PDE7B: variants seen among roughly 807,000 people sequenced by gnomAD.
PDE7B encodes 3',5'-cyclic-AMP phosphodiesterase 7B.
A neutral mutation model predicts 56.2 loss-of-function variants in PDE7B; 29 were observed. That is an observed-to-expected ratio of 0.52 (90% CI 0.38 to 0.70). PDE7B has a LOEUF of 0.70. Ranked by LOEUF, PDE7B falls within the 30% of genes least tolerant of loss-of-function variation. PDE7B has a pLI of 0.00. For missense variants in PDE7B, 490 were observed against 565.0 expected (o/e 0.87, Z 1.35); for synonymous variants, 197 against 196.9 (o/e 1.00, Z 0.00).
At chr6:135,853,469 CTTT>C (rs1562410273) in intron 1 of PDE7B, among the ~76,000 whole-genome samples, 3 of 152,172 alleles carry the variant, frequency 2.0e-5, no homozygotes, top group Non-Finnish European at 4.4e-5. Context: ...TCTGCTTTAT[CTTT>C]TATTACTGGC....
intron 1 of PDE7B, among the ~76,000 whole-genome samples, chr6:135,926,638 A>G: frequency 6.6e-6 from 1 of 152,084 alleles, no homozygotes; most frequent in East Asian, 1.9e-4. Context: ...CCTAGGTTTT[A>G]TGACCTCCTT....
chr6:135,995,835 A>G (rs1775555332), intron 2 of PDE7B, among the ~76,000 whole-genome samples: 1 of 152,214 alleles, frequency 6.6e-6, no homozygotes, highest in Admixed American at 6.5e-5. Context: ...ACATTAAAAT[A>G]AAAATTAATG....
At chr6:135,942,339 T>C (rs954400399) in intron 1 of PDE7B, among the ~76,000 whole-genome samples, 1 of 118,098 alleles carries the variant, frequency 8.5e-6, no homozygotes, top group South Asian at 2.8e-4. Flanking sequence ...AATGTAAGGA[T>C]AGGTGCAGTA....
In PDE7B at chr6:135,901,254, A is replaced by G. The variant is rs576336660; in HGVS notation, c.22-46210A>G. ...ATGGATTTAAATTTACAAACTAGCT[A>G]AATAATAAGTAACAATGTATACTCA... On this transcript the variant is annotated intron_variant, in intron 1 of 12. Coordinates refer to ENST00000308191, the MANE Select transcript of PDE7B (RefSeq NM_018945.4). Among the ~76,000 whole-genome samples, 21 of 152,288 alleles carry G rather than the reference A, an allele frequency of 1.4e-4. No homozygotes were observed. The South Asian group carries it at 3.9e-3, about 29-fold the overall frequency.
intron 3 of PDE7B, among the ~76,000 whole-genome samples, chr6:136,114,298 T>A (rs1308669014): frequency 3.9e-5 from 6 of 152,194 alleles, no homozygotes. Flanking sequence ...ACATATATAT[T>A]TTTTAACCTT....
chr6:135,897,946 C>A (rs537012199), intron 1 of PDE7B, among the ~76,000 whole-genome samples: 1 of 152,292 alleles, frequency 6.6e-6, no homozygotes, highest in East Asian at 1.9e-4. Context: ...ACAGCTGCTG[C>A]TGTTCCAGAC....
chr6:135,895,387 G>A (rs368164082), intron 1 of PDE7B, among the ~76,000 whole-genome samples: 15 of 152,212 alleles, frequency 9.9e-5, no homozygotes, highest in African/African-American at 3.6e-4. Context: ...GAGATACTGT[G>A]ATAACCTGGA....
intron 1 of PDE7B, among the ~76,000 whole-genome samples, chr6:135,889,588 C>T (rs984772940): frequency 2.0e-5 from 3 of 150,334 alleles, no homozygotes; most frequent in Non-Finnish European, 4.4e-5. Context: ...TTACAGGCGC[C>T]CACCACCAGG....
At chr6:136,087,181 A>C (rs1777307356) in intron 2 of PDE7B, among the ~76,000 whole-genome samples, 1 of 152,202 alleles carries the variant, frequency 6.6e-6, no homozygotes. Flanking sequence ...TGATTGTGGC[A>C]CGGCTGGGCA....
chr6:135,924,618 T>TTG (rs1491427707), intron 1 of PDE7B, among the ~76,000 whole-genome samples: 1 of 18,870 alleles, frequency 5.3e-5, no homozygotes, highest in African/African-American at 3.3e-4. Flanking sequence ...TCTCTCTCTC[T>TTG]TTTTTTTTTT....
intron 8 of PDE7B, among the ~76,000 whole-genome samples, chr6:136,172,169 T>G (rs1353498744): frequency 2.0e-5 from 3 of 152,248 alleles, no homozygotes; most frequent in East Asian, 3.9e-4. Flanking sequence ...GGGATGGCTG[T>G]GTCAAATGGT....
chr6:136,080,041 C>T (rs1359141028), intron 2 of PDE7B, among the ~76,000 whole-genome samples: 2 of 152,140 alleles, frequency 1.3e-5, no homozygotes, highest in South Asian at 2.1e-4. Context: ...TCCTCTAGAT[C>T]TTACGCTATC....
chr6:136,163,115 CTG>C (rs2039450677), intron 8 of PDE7B, among the ~76,000 whole-genome samples: 3 of 152,352 alleles, frequency 2.0e-5, no homozygotes, highest in African/African-American at 7.2e-5. Flanking sequence ...AGTGGGGACT[CTG>C]TGTGGGAGCT....
At chr6:136,065,274 G>A (rs937370700) in intron 2 of PDE7B, among the ~76,000 whole-genome samples, 2 of 152,100 alleles carry the variant, frequency 1.3e-5, no homozygotes, top group African/African-American at 2.4e-5. Context: ...CAAATTAGAC[G>A]TTTGCTTCAC....
intron 2 of PDE7B, among the ~76,000 whole-genome samples, chr6:135,949,067 A>T (rs923863052): frequency 1.3e-5 from 2 of 152,050 alleles, no homozygotes; most frequent in African/African-American, 4.8e-5. Flanking sequence ...CAATAACAAG[A>T]TGAGGTTGGT....
chr6:136,172,516 T>C (rs1403224138), intron 8 of PDE7B, among the ~76,000 whole-genome samples: 1 of 152,204 alleles, frequency 6.6e-6, no homozygotes, highest in African/African-American at 2.4e-5. Flanking sequence ...TTGAGTTCAT[T>C]GTAGATTCTG....
chr6:135,876,363 A>T (rs767992033), intron 1 of PDE7B, among the ~76,000 whole-genome samples: 3 of 151,970 alleles, frequency 2.0e-5, no homozygotes, highest in Non-Finnish European at 4.4e-5. Context: ...GGGCCACCAC[A>T]CTTGTCTTTC....
At chr6:135,929,415 G>C (rs1774255707) in intron 1 of PDE7B, among the ~76,000 whole-genome samples, 1 of 152,112 alleles carries the variant, frequency 6.6e-6, no homozygotes, top group South Asian at 2.1e-4. Context: ...TGTTAGAATT[G>C]AGTTTTGCTA....
At chr6:136,048,881 G>C (rs755165400) in intron 2 of PDE7B, 1 of 152,108 alleles carries the variant, frequency 6.6e-6, no homozygotes, top group Non-Finnish European at 1.5e-5. Flanking sequence ...ATTTTACACA[G>C]AGCCACAAGA....
Sources: gnomAD v4.1 joint callset for allele counts (sites outside exome capture counted in the v4.1 genomes callset) on GRCh38, gnomAD v4.1.1 for gene constraint, MANE v1.5 for transcripts, NCBI Gene and HGNC (gene_info 2026-07-23, HGNC 2026-07-21) for gene names.